The following CPQ variants were observed in gnomAD, a reference collection of about 807,000 sequenced individuals.
CPQ encodes the protein carboxypeptidase Q.
Under a neutral mutation model 45.7 loss-of-function variants are expected in CPQ, and 37 were observed. The observed-to-expected ratio is 0.81, with a 90% CI of 0.62 to 1.07. The LOEUF is 1.07. CPQ is among the 50% of genes least tolerant of loss of function. CPQ has a pLI of 0.00. For synonymous variants in CPQ, 186 were observed against 205.8 expected, an observed-to-expected ratio of 0.90 and a Z score of 0.82; for missense variants, 537 against 572.9, an observed-to-expected ratio of 0.94 and a Z score of 0.64.
chr8:96,647,232 T>C (rs1815528785), intron 1 of CPQ, among the ~76,000 whole-genome samples: 1 of 152,226 alleles, frequency 6.6e-6, no homozygotes, highest in African/African-American at 2.4e-5. Context: ...TAAAATGAAA[T>C]TAATGTTACC....
chr8:97,114,560 T>G (rs970450817), intron 7 of CPQ, among the ~76,000 whole-genome samples: 2 of 152,230 alleles, frequency 1.3e-5, no homozygotes, highest in African/African-American at 4.8e-5. Flanking sequence ...ATGTTTACCC[T>G]CAGAGATCTG....
At chr8:96,888,577 T>A (rs145859776) in intron 4 of CPQ, among the ~76,000 whole-genome samples, 273 of 152,322 alleles carry the variant, frequency 1.8e-3, no homozygotes, top group Non-Finnish European at 3.2e-3. Context: ...GCTGTTTTGT[T>A]TTGTTTTTAA....
intron 5 of CPQ, among the ~76,000 whole-genome samples, chr8:97,021,181 G>C (rs779496719): frequency 5.9e-5 from 9 of 152,112 alleles, no homozygotes; most frequent in Non-Finnish European, 1.2e-4. Flanking sequence ...TTCCCTTTAT[G>C]ATTAAAACTC....
At chr8:96,792,643 A>G (rs1445248970) in intron 2 of CPQ, among the ~76,000 whole-genome samples, 1 of 152,112 alleles carries the variant, frequency 6.6e-6, no homozygotes, top group Non-Finnish European at 1.5e-5. Flanking sequence ...CCATTTCTAT[A>G]TTCTCAACAT....
intron 2 of CPQ, among the ~76,000 whole-genome samples, chr8:96,825,904 C>T (rs1401803528): frequency 6.6e-6 from 1 of 152,030 alleles, no homozygotes; most frequent in Non-Finnish European, 1.5e-5. Flanking sequence ...ACATTTTGTA[C>T]TTGCTACAAA....
At chr8:96,909,448 G>C (rs1812626036) in intron 4 of CPQ, among the ~76,000 whole-genome samples, 1 of 152,162 alleles carries the variant, frequency 6.6e-6, no homozygotes, top group Admixed American at 6.5e-5. Context: ...TGGTCAGAGA[G>C]GAGACTTTTT....
chr8:96,917,358 C>G (rs1027980638), intron 4 of CPQ, among the ~76,000 whole-genome samples: 1 of 152,014 alleles, frequency 6.6e-6, no homozygotes, highest in Non-Finnish European at 1.5e-5. Flanking sequence ...TTATGTTGCT[C>G]AAATTGTTAC....
chr8:96,821,474 G>A (rs1811307298), intron 2 of CPQ, among the ~76,000 whole-genome samples: 1 of 151,844 alleles, frequency 6.6e-6, no homozygotes, highest in Non-Finnish European at 1.5e-5. Context: ...TGTATAGTGG[G>A]AAATAGAGGT....
At chr8:96,847,885 G>T (rs1377702060) in intron 3 of CPQ, among the ~76,000 whole-genome samples, 23 of 117,238 alleles carry the variant, frequency 2.0e-4, no homozygotes, top group East Asian at 8.1e-4. Context: ...TGAGGAGTAT[G>T]AAAAGAGCTT....
At chr8:96,657,218 G>A (rs553361647) in intron 1 of CPQ, among the ~76,000 whole-genome samples, 13 of 152,058 alleles carry the variant, frequency 8.5e-5, no homozygotes, top group South Asian at 4.2e-4. Context: ...GGTGGTGTGC[G>A]TCTGTAATCC....
At chr8:96,886,761 T>C (rs1454370146) in intron 4 of CPQ, among the ~76,000 whole-genome samples, 2 of 152,208 alleles carry the variant, frequency 1.3e-5, no homozygotes, top group African/African-American at 4.8e-5. Flanking sequence ...GTGTATAAAT[T>C]TGAGGGCTAT....
chr8:97,080,126 T>A (rs1361917281), intron 7 of CPQ, among the ~76,000 whole-genome samples: 1 of 152,166 alleles, frequency 6.6e-6, no homozygotes, highest in African/African-American at 2.4e-5. Context: ...TTCTAGCAAT[T>A]TCCTAGAAAA....
At chr8:97,108,524 C>T (rs369587765) in intron 7 of CPQ, among the ~76,000 whole-genome samples, 3 of 152,204 alleles carry the variant, frequency 2.0e-5, no homozygotes, top group African/African-American at 7.2e-5. Context: ...CACGCAATTT[C>T]TTTTCAGATA....
rs1197654893 is a variant in CPQ at position 97,029,429 on chromosome 8, C to A, written c.988C>A (p.Leu330Met). 3 of 1,608,334 alleles carry A rather than the reference C, an allele frequency of 1.9e-6. No individual in the cohort carries two copies. The highest frequency in any genetic ancestry group is 1.7e-5 in the Admixed American group (1 of 59,466). The change falls in exon 6 of 8, where the codon CTG (leucine) becomes ATG (methionine). Residue 330 changes from leucine (L) to methionine (M), a missense_variant. Transcript: ENST00000220763. Reference protein sequence around the residue: ...LGLRPKRTLRLVLWTAEEQGG... With the variant: ...LGLRPKRTLRMVLWTAEEQGG... ...GCTGCGTCCAAAGAGGACTCTGCGGCTGGTGCTCTGGACTGCAGAAGAACA... is the reference window on the plus strand; with the variant it reads ...GCTGCGTCCAAAGAGGACTCTGCGGATGGTGCTCTGGACTGCAGAAGAACA...
intron 2 of CPQ, among the ~76,000 whole-genome samples, chr8:96,795,568 C>T (rs1353217804): frequency 1.3e-5 from 2 of 152,152 alleles, no homozygotes; most frequent in Non-Finnish European, 2.9e-5. Flanking sequence ...GTTCACACTG[C>T]ATATAGTTTG....
chr8:97,121,281 G>C (rs1811697825), intron 7 of CPQ, among the ~76,000 whole-genome samples: 1 of 152,066 alleles, frequency 6.6e-6, no homozygotes, highest in South Asian at 2.1e-4. Flanking sequence ...TAAAATGAAA[G>C]AAAAAAGGAA....
At chr8:97,110,859 G>C (rs1296335816) in intron 7 of CPQ, among the ~76,000 whole-genome samples, 1 of 152,100 alleles carries the variant, frequency 6.6e-6, no homozygotes, top group Admixed American at 6.5e-5. Flanking sequence ...ACAACCAAGT[G>C]GCCCAACCAA....
At chr8:97,127,509 G>A (rs1811867154) in intron 7 of CPQ, among the ~76,000 whole-genome samples, 1 of 152,026 alleles carries the variant, frequency 6.6e-6, no homozygotes, top group South Asian at 2.1e-4. Flanking sequence ...CCAACATGGT[G>A]AAACCCCCAT....
At chr8:96,719,001 C>T (rs1010571802) in intron 1 of CPQ, among the ~76,000 whole-genome samples, 1 of 152,264 alleles carries the variant, frequency 6.6e-6, no homozygotes, top group African/African-American at 2.4e-5. Context: ...CCCCACCAGA[C>T]TCAGAAGCCC....
Sources: allele counts gnomAD v4.1 joint callset (sites outside exome capture counted in the v4.1 genomes callset), GRCh38; gene constraint gnomAD v4.1.1; transcripts MANE v1.5; gene names NCBI Gene and HGNC (gene_info 2026-07-23, HGNC 2026-07-21).